TIMP1: variants seen among roughly 807,000 people sequenced by gnomAD.
The protein encoded by TIMP1 is metalloproteinase inhibitor 1.
TIMP1 carries 5 observed loss-of-function variants against 13.7 expected under a neutral mutation model. That is an observed-to-expected ratio of 0.36 (90% CI 0.19 to 0.76). The LOEUF is 0.76. Ranked by LOEUF, TIMP1 falls within the 30% of genes least tolerant of loss-of-function variation. The pLI is 0.51. For missense variants in TIMP1, 131 were observed against 168.4 expected, an observed-to-expected ratio of 0.78 and a Z score of 1.23; for synonymous variants, 63 against 67.1, an observed-to-expected ratio of 0.94 and a Z score of 0.30.
In TIMP1 at chrX:47,585,168, G is replaced by C. The variant is rs774540613; in HGVS notation, c.202-37G>C. The stretch of plus-strand genomic sequence containing the variant: ...GAAGAACCTGGAGTGGGAGGATTAT[G>C]TCAGTAAAAGAGACACTTCCCCTCA... On this transcript the variant is annotated intron_variant, in intron 3 of 5. Transcript: ENST00000218388. 7.7e-6 allele frequency: 9 copies of C among 1,166,902 alleles called. No individual in the cohort carries two copies. In the South Asian group the frequency reaches 1.4e-4, roughly 18 times the overall value.
chrX:47,583,553 C>G lies in TIMP1; in HGVS notation c.121+17C>G. 8.5e-7 allele frequency: 1 copy of G among 1,181,615 alleles called. No individual in the cohort carries two copies. The highest frequency in any genetic ancestry group is 1.1e-6 in the Non-Finnish European group (1 of 878,286). On this transcript the variant is annotated intron_variant, in intron 2 of 5. Coordinates refer to ENST00000218388, the MANE Select transcript of TIMP1 (RefSeq NM_003254.3). ...CCGACCTCGGTGAGTCCTCACCCCA[C>G]TCAGCCCACACACTCTGCCTTGGTT...
At chrX:47,585,394 C>T (rs1354777220) in intron 4 of TIMP1, 63 bp downstream of exon 4, 2 of 1,202,956 alleles carry the variant, frequency 1.7e-6, no homozygotes, top group Admixed American at 2.2e-5. Context: ...GCCTAGCAAC[C>T]ACGAGGGGGC....
At chrX:47,586,138 A>G in intron 5 of TIMP1, 1 of 941,106 alleles carries the variant, frequency 1.1e-6, no homozygotes, top group Non-Finnish European at 1.3e-6. Context: ...ATGGCTCCTG[A>G]TGGCCTCTGA....
intron 2 of TIMP1, among the ~76,000 whole-genome samples, chrX:47,583,983 T>C (rs2057811413): frequency 9.0e-6 from 1 of 111,409 alleles, no homozygotes; most frequent in Non-Finnish European, 1.9e-5. Flanking sequence ...GTGGGAGAGA[T>C]TGGGCTCAAC....
intron 1 of TIMP1, 128 bp from the exon 2 acceptor site, chrX:47,583,280 C>G (rs1482396343): frequency 6.6e-6 from 3 of 454,996 alleles, no homozygotes; most frequent in Non-Finnish European, 1.1e-5. Context: ...GCTTACCAAC[C>G]CCTCAAGCCC....
At chrX:47,584,810 C>A in intron 2 of TIMP1, 126 bp from the exon 3 acceptor site, 1 of 528,121 alleles carries the variant, frequency 1.9e-6, no homozygotes, top group Non-Finnish European at 3.1e-6. Context: ...ACTTTGTGTG[C>A]TGTCTGGCAT....
chrX:47,582,572 T>TACTC, intron 1 of TIMP1, 98 bp downstream of exon 1: 1 of 366,192 alleles, frequency 2.7e-6, no homozygotes, highest in Non-Finnish European at 5.5e-6. Flanking sequence ...GATGCCTGTC[T>TACTC]ACTCAGCTTG....
chrX:47,582,458 C>T lies in TIMP1; in HGVS notation c.-25C>T. The T allele has an allele frequency of 3.8e-6, 1 of 265,118 alleles. No homozygotes were observed. The highest frequency in any genetic ancestry group is 7.6e-6 in the Non-Finnish European group (1 of 131,062). 21.8% of individuals were successfully genotyped at this position (265,118 alleles called of 1,213,427 possible). A position where few individuals can be genotyped will look rare whatever the true frequency, so the allele number is the denominator to read the frequency against. ...GCCGCCATCGCCGCAGATCCAGCGC[C>T]CAGAGAGACACCAGAGGTAAGCAGG... On this transcript the variant is annotated 5_prime_UTR_variant, in exon 1 of 6. Transcript: ENST00000218388.
chrX:47,584,130 G>A (rs35777532), intron 2 of TIMP1, among the ~76,000 whole-genome samples: 7,179 of 111,367 alleles, frequency 0.064, 195 homozygotes, highest in Non-Finnish European at 0.082. Context: ...CTTGCTGAAG[G>A]CAGGCCAAGG....
chrX:47,583,398 TTCC>T lies in TIMP1; in HGVS notation c.-8-9_-8-7del. 1 of 1,185,700 alleles carries T rather than the reference TTCC, an allele frequency of 8.4e-7. No individual in the cohort carries two copies. Among genetic ancestry groups the T allele is most frequent in the Middle Eastern group, 2.4e-4 (1 of 4,235 alleles). ...GGCCGGGGCCTGCCTGACATCCCCC[TTCC>T]CCACAGAACCCACCATGGCCCCCTT... On this transcript the variant is annotated splice_polypyrimidine_tract_variant and splice_region_variant and intron_variant, in intron 1 of 5. Coordinates refer to ENST00000218388, the MANE Select transcript of TIMP1 (RefSeq NM_003254.3).
chrX:47,584,807 G>A (rs2057815561), intron 2 of TIMP1, 129 bp from the exon 3 acceptor site: 3 of 521,938 alleles, frequency 5.7e-6, no homozygotes, highest in East Asian at 3.6e-5. Context: ...ATCACTTTGT[G>A]TGCTGTCTGG....
At chrX:47,583,671 C>T (rs2057809710) in intron 2 of TIMP1, 135 bp downstream of exon 2, 2 of 721,130 alleles carry the variant, frequency 2.8e-6, no homozygotes, top group Non-Finnish European at 3.8e-6. Context: ...ACACTGGCAT[C>T]CTCACACTTC....
At position 47,583,529 on chromosome X, in the gene TIMP1, C is replaced by G; in HGVS notation, c.114C>G (p.Ser38=). 2.5e-6 allele frequency: 3 copies of G among 1,196,721 alleles called. No homozygotes were observed. Among genetic ancestry groups the G allele is most frequent in the Non-Finnish European group, 3.4e-6 (3 of 887,176 alleles). ...ACCCACAGACGGCCTTCTGCAATTC[C>G]GACCTCGGTGAGTCCTCACCCCACT... The part of the protein sequence containing the change: ...PPHPQTAFCN[S]DLVIRAKFVG... The change falls in exon 2 of 6, where the codon TCC becomes TCG. Residue 38 remains serine, a synonymous_variant. Transcript: ENST00000218388.
chrX:47,585,716 T>G, intron 5 of TIMP1, 49 bp downstream of exon 5: 2 of 1,201,323 alleles, frequency 1.7e-6, no homozygotes, highest in South Asian at 3.6e-5. Flanking sequence ...CCCGGGGCCA[T>G]TCCCTAAATC....
intron 1 of TIMP1, 101 bp from the exon 2 acceptor site, chrX:47,583,307 T>TC (rs2057807548): frequency 9.3e-6 from 6 of 648,553 alleles, no homozygotes; most frequent in Admixed American, 6.7e-5. Context: ...AGCCCCCTAA[T>TC]CCCCCCCATA....
intron 2 of TIMP1, among the ~76,000 whole-genome samples, chrX:47,584,148 G>A (rs1163228906): frequency 9.0e-6 from 1 of 111,631 alleles, no homozygotes; most frequent in Non-Finnish European, 1.9e-5. Context: ...AGGGGAATCA[G>A]ACATCACCTG....
At position 47,586,675 on chromosome X, in the gene TIMP1, G is replaced by A. The variant is rs188206458; in HGVS notation, c.608G>A (p.Arg203Gln). Reference sequence around the variant, plus strand: ...GGGCTGTGCACCTGGCAGTCCCTGCGGTCCCAGATAGCCTGAATCCTGCCC... The same window carrying A: ...GGGCTGTGCACCTGGCAGTCCCTGCAGTCCCAGATAGCCTGAATCCTGCCC... Reference protein sequence around the residue: ...EPGLCTWQSLRSQIA With the variant: ...EPGLCTWQSLQSQIA The change falls in exon 6 of 6, where the codon CGG becomes CAG. Residue 203 changes from arginine (R) to glutamine (Q), a missense_variant. Transcript: ENST00000218388. 39 of 1,208,311 alleles carry A rather than the reference G, an allele frequency of 3.2e-5. No homozygotes were observed. The highest frequency in any genetic ancestry group is 3.0e-4 in the African/African-American group (17 of 57,472).
chrX:47,586,292 G>T, intron 5 of TIMP1: 1 of 754,330 alleles, frequency 1.3e-6, no homozygotes, highest in Non-Finnish European at 1.6e-6. Flanking sequence ...TGACCCCCAG[G>T]GCCTATTCCC....
At chrX:47,583,063 C>A (rs1454907052) in intron 1 of TIMP1, among the ~76,000 whole-genome samples, 1 of 98,223 alleles carries the variant, frequency 1.0e-5, no homozygotes, top group Admixed American at 1.1e-4. Context: ...CTCCTCCAGC[C>A]CCCAATCCCA....
Sources: allele counts gnomAD v4.1 joint callset (sites outside exome capture counted in the v4.1 genomes callset), GRCh38; gene constraint gnomAD v4.1.1; transcripts MANE v1.5; gene names NCBI Gene and HGNC (gene_info 2026-07-23, HGNC 2026-07-21).